The following EPC1 variants were observed in gnomAD, a reference collection of about 807,000 sequenced individuals.
EPC1 encodes enhancer of polycomb 1.
Under a neutral mutation model 98.4 loss-of-function variants are expected in EPC1, and 12 were observed. The ratio of observed to expected loss-of-function variants is 0.12; its 90% CI spans 0.08 to 0.20. The LOEUF (loss-of-function observed/expected upper bound fraction) is 0.20. Ranked by LOEUF, EPC1 falls within the 10% of genes least tolerant of loss-of-function variation. The pLI, the probability that EPC1 is intolerant of heterozygous loss-of-function variation, is 1.00. For synonymous variants in EPC1, 357 were observed against 363.9 expected (o/e 0.98, Z 0.21); for missense variants, 729 against 990.5 (o/e 0.74, Z 3.54).
intron 10 of EPC1, among the ~76,000 whole-genome samples, chr10:32,280,492 G>C (rs1458674833): frequency 6.6e-6 from 1 of 150,612 alleles, no homozygotes; most frequent in Admixed American, 6.6e-5. Context: ...TGTAATCCCA[G>C]CATATTGGGA....
intron 1 of EPC1, among the ~76,000 whole-genome samples, chr10:32,321,251 G>A (rs1343590680): frequency 6.6e-6 from 1 of 152,116 alleles, no homozygotes; most frequent in Non-Finnish European, 1.5e-5. Context: ...TTCACCAAGA[G>A]AGTTGAGTAG....
At chr10:32,353,374 C>T (rs1839180889) in intron 1 of EPC1, among the ~76,000 whole-genome samples, 2 of 152,066 alleles carry the variant, frequency 1.3e-5, no homozygotes, top group Admixed American at 6.6e-5. Context: ...ATACTAAAAG[C>T]AAAGAATCAT....
At chr10:32,374,764 A>T (rs1839837650) in intron 1 of EPC1, among the ~76,000 whole-genome samples, 1 of 152,126 alleles carries the variant, frequency 6.6e-6, no homozygotes, top group Non-Finnish European at 1.5e-5. Context: ...ACCACATTGG[A>T]GTGTAGACTC....
In EPC1 at chr10:32,310,527, C is replaced by T. The variant is rs149745625; in HGVS notation, c.154-4596G>A. Among the ~76,000 whole-genome samples the T allele has an allele frequency of 1.3e-3, 192 of 152,254 alleles. 4 individuals are homozygous for T. The highest frequency in any genetic ancestry group is 8.9e-3 in the East Asian group (46 of 5,170). On this transcript the variant is annotated intron_variant, in intron 1 of 13. Transcript: ENST00000319778. The stretch of plus-strand genomic sequence containing the variant: ...GAAAAAAACTTCCCTTATGTTATAT[C>T]CACTTTTCGTAACTGTGAAACCAAA...
intron 1 of EPC1, among the ~76,000 whole-genome samples, chr10:32,314,251 T>C (rs1341484032): frequency 6.6e-6 from 1 of 152,170 alleles, no homozygotes; most frequent in Non-Finnish European, 1.5e-5. Flanking sequence ...GGGCTGAAAG[T>C]AATTATAGAT....
At chr10:32,313,149 C>T (rs1385300844) in intron 1 of EPC1, among the ~76,000 whole-genome samples, 1 of 151,778 alleles carries the variant, frequency 6.6e-6, no homozygotes, top group African/African-American at 2.4e-5. Context: ...ACAGCCATTC[C>T]GAACCAATGA....
At chr10:32,339,538 T>C (rs1398632022) in intron 1 of EPC1, among the ~76,000 whole-genome samples, 2 of 152,060 alleles carry the variant, frequency 1.3e-5, no homozygotes, top group African/African-American at 4.8e-5. Flanking sequence ...GAGTGAACTC[T>C]CTCTCAATAG....
intron 1 of EPC1, among the ~76,000 whole-genome samples, chr10:32,343,389 T>C (rs1198013556): frequency 6.6e-6 from 1 of 152,114 alleles, no homozygotes; most frequent in Non-Finnish European, 1.5e-5. Context: ...TTTTGTATTT[T>C]TAGTAGAGAC....
intron 6 of EPC1, 25 bp from the exon 7 acceptor site, chr10:32,287,299 A>G (rs1220480875): frequency 6.2e-7 from 1 of 1,611,038 alleles, no homozygotes; most frequent in Non-Finnish European, 8.5e-7. Context: ...TGAATTAATT[A>G]TACACCAGAA....
intron 1 of EPC1, among the ~76,000 whole-genome samples, chr10:32,311,002 C>T (rs936577067): frequency 1.3e-5 from 2 of 152,066 alleles, no homozygotes; most frequent in African/African-American, 4.8e-5. Flanking sequence ...GTTCAGAAAA[C>T]AAGATTTAAA....
intron 1 of EPC1, among the ~76,000 whole-genome samples, chr10:32,371,682 T>A (rs1839754702): frequency 1.3e-5 from 2 of 152,112 alleles, no homozygotes. Context: ...GTGGATCACC[T>A]GAGGTCAAGA....
rs1451744104 is a variant in EPC1 at position 32,278,543 on chromosome 10, G to A, written c.1745-5262C>T. ...ACTACAGGCGCCCGCCACTACGCCC[G>A]TCTAATTTTTTGTATTTTTAGTAGA... On this transcript the variant is annotated intron_variant, in intron 10 of 13. Transcript: ENST00000319778. 4.8e-5 allele frequency among the ~76,000 whole-genome samples: 7 copies of A among 146,588 alleles called. No homozygotes were observed. In the East Asian group the frequency reaches 6.1e-4, roughly 13 times the overall value.
intron 1 of EPC1, among the ~76,000 whole-genome samples, chr10:32,314,344 C>T (rs767651426): frequency 1.1e-4 from 16 of 152,160 alleles, no homozygotes; most frequent in Non-Finnish European, 1.6e-4. Flanking sequence ...TTCAGAGGCA[C>T]ACTTTCATGT....
chr10:32,366,513 T>A, intron 1 of EPC1, among the ~76,000 whole-genome samples: 1 of 152,244 alleles, frequency 6.6e-6, no homozygotes, highest in East Asian at 1.9e-4. Context: ...TGAAGTTTAA[T>A]GCTAACCAGC....
intron 1 of EPC1, among the ~76,000 whole-genome samples, chr10:32,370,678 C>T (rs1284907174): frequency 6.6e-6 from 1 of 152,140 alleles, no homozygotes; most frequent in African/African-American, 2.4e-5. Context: ...GGAAATGTGC[C>T]ATAAATCTGT....
At chr10:32,362,446 G>A (rs1839470288) in intron 1 of EPC1, among the ~76,000 whole-genome samples, 1 of 151,972 alleles carries the variant, frequency 6.6e-6, no homozygotes. Flanking sequence ...TGAAAGCATA[G>A]TAGCACCTCC....
intron 1 of EPC1, among the ~76,000 whole-genome samples, chr10:32,326,015 A>C (rs1417585367): frequency 6.6e-6 from 1 of 152,238 alleles, no homozygotes; most frequent in Non-Finnish European, 1.5e-5. Flanking sequence ...TAAAGACCTT[A>C]AACTCAGGAC....
intron 1 of EPC1, among the ~76,000 whole-genome samples, chr10:32,326,681 A>G (rs188723661): frequency 1.3e-5 from 2 of 152,302 alleles, no homozygotes; most frequent in East Asian, 3.9e-4. Context: ...AGTACAAAAT[A>G]TTTGGTAAAA....
intron 13 of EPC1, chr10:32,269,366 A>C: frequency 2.5e-6 from 1 of 394,934 alleles, no homozygotes; most frequent in Non-Finnish European, 4.6e-6. Flanking sequence ...AAATTATAGT[A>C]GTACTCAAGC....
Sources: gnomAD v4.1 joint callset for allele counts (sites outside exome capture counted in the v4.1 genomes callset) on GRCh38, gnomAD v4.1.1 for gene constraint, MANE v1.5 for transcripts, NCBI Gene and HGNC (gene_info 2026-07-23, HGNC 2026-07-21) for gene names.